TP53BP1: variants seen among roughly 807,000 people sequenced by gnomAD.
TP53BP1 encodes tumor protein p53 binding protein 1, also known as TP53-binding protein 1.
In TP53BP1, 61 loss-of-function variants were observed where a neutral mutation model predicts 200.8. The observed-to-expected ratio is 0.30, with a 90% confidence interval of 0.25 to 0.38. TP53BP1 has a LOEUF of 0.38. TP53BP1 is among the 10% of genes least tolerant of loss of function. The pLI is 1.00. For missense variants in TP53BP1, 2,144 were observed against 2,371.9 expected (o/e 0.90, Z 2.00); for synonymous variants, 822 against 844.3 (o/e 0.97, Z 0.46).
In TP53BP1 at chr15:43,420,324, C is replaced by T; in HGVS notation, c.4662G>A (p.Glu1554=). 6.2e-7 allele frequency: 1 copy of T among 1,613,756 alleles called. No homozygotes were observed. Among genetic ancestry groups the T allele is most frequent in the African/African-American group, 1.3e-5 (1 of 75,040 alleles). Residue 1554 remains glutamate, a synonymous_variant, in exon 21 of 28, where the codon GAG becomes GAA. Transcript: ENST00000382044. ...CATTACCTGCACTGAAATACTCATC[C>T]TCCGAGAGGGCCGTCACTTCAGTGT... ...PLDTEVTALS[E]DEYFSAGVVK...
At position 43,479,485 on chromosome 15, in the gene TP53BP1, C is replaced by T; in HGVS notation, c.700G>A (p.Ala234Thr). The change falls in exon 7 of 28, where the codon GCA becomes ACA. Residue 234 changes from alanine to threonine, a missense_variant. By Grantham distance (58) the Ala-to-Thr change is moderately conservative (BLOSUM62 0). Coordinates refer to ENST00000382044, the MANE Select transcript of TP53BP1 (RefSeq NM_001141980.3). Reference protein sequence around the residue: ...EEQSNEDIPIAEQSSKDIPVT... With the variant: ...EEQSNEDIPITEQSSKDIPVT... ...GGGATGTCCTTGCTGGACTGTTCTGCTATGGGGATATCTTCGTTGGACTGT... is the reference window on the plus strand; with the variant it reads ...GGGATGTCCTTGCTGGACTGTTCTGTTATGGGGATATCTTCGTTGGACTGT... 2 of 1,613,714 alleles carry T rather than the reference C, an allele frequency of 1.2e-6. No individual in the cohort carries two copies. Among genetic ancestry groups the T allele is most frequent in the East Asian group, 2.2e-5 (1 of 44,856 alleles).
At chr15:43,423,517 C>A (rs1221090410) in intron 18 of TP53BP1, among the ~76,000 whole-genome samples, 1 of 151,774 alleles carries the variant, frequency 6.6e-6, no homozygotes, top group East Asian at 1.9e-4. Context: ...AATAGCCGGG[C>A]ATGGTGGTGC....
intron 16 of TP53BP1, among the ~76,000 whole-genome samples, chr15:43,437,476 T>C (rs990891863): frequency 2.0e-5 from 3 of 152,106 alleles, no homozygotes; most frequent in South Asian, 4.1e-4. Flanking sequence ...CTACAAAGAA[T>C]AGAAAAATTA....
intron 17 of TP53BP1, among the ~76,000 whole-genome samples, chr15:43,429,442 T>C (rs2045622675): frequency 1.3e-5 from 2 of 152,242 alleles, no homozygotes; most frequent in Non-Finnish European, 1.5e-5. Flanking sequence ...TCTCTCACCT[T>C]ATCTCCCCTA....
chr15:43,454,066 A>G (rs1282888982), intron 12 of TP53BP1, among the ~76,000 whole-genome samples: 1 of 151,400 alleles, frequency 6.6e-6, no homozygotes, highest in African/African-American at 2.4e-5. Flanking sequence ...TTAGCTGGGC[A>G]TGGTGGCATG....
intron 4 of TP53BP1, among the ~76,000 whole-genome samples, chr15:43,483,139 G>A (rs1038190283): frequency 1.3e-5 from 2 of 151,764 alleles, no homozygotes. Flanking sequence ...CTTATTCTTA[G>A]GGGATGAATG....
chr15:43,493,191 T>C, upstream of TP53BP1: 1 of 1,464,092 alleles, frequency 6.8e-7, no homozygotes, highest in Middle Eastern at 1.8e-4. Flanking sequence ...TATCGGATCG[T>C]CCATTCGCTG....
intron 16 of TP53BP1, among the ~76,000 whole-genome samples, chr15:43,436,065 C>T (rs1381565707): frequency 6.6e-6 from 1 of 151,898 alleles, no homozygotes; most frequent in African/African-American, 2.4e-5. Context: ...AATCTCGGCT[C>T]ACTATAACCT....
chr15:43,432,380 C>G lies in TP53BP1; in HGVS notation c.3489G>C (p.Glu1163Asp), dbSNP rs1252135627. 2.5e-6 allele frequency: 4 copies of G among 1,614,210 alleles called. No individual in the cohort carries two copies. Among genetic ancestry groups the G allele is most frequent in the African/African-American group, 1.3e-5 (1 of 75,066 alleles). ...SQNNIGIQTM[E>D]CSLRVPETVS... ...CAGTTTCTGGGACCCTCAAGGAACA[C>G]TCCATGGTTTGGATTCCTATGTTAT... Residue 1163 changes from glutamate to aspartate, a missense_variant, in exon 17 of 28, where the codon GAG becomes GAC. Around this residue, in one of 4 missense-constraint regions of TP53BP1, gnomAD observed 1,700 missense variants for 1,710.3 expected, o/e 0.99. Coordinates refer to ENST00000382044, the MANE Select transcript of TP53BP1 (RefSeq NM_001141980.3).
intron 4 of TP53BP1, among the ~76,000 whole-genome samples, chr15:43,483,959 C>G (rs183175265): frequency 2.0e-5 from 3 of 152,198 alleles, no homozygotes; most frequent in African/African-American, 7.2e-5. Context: ...TAGAATACTA[C>G]CTATCTGCTT....
intron 21 of TP53BP1, among the ~76,000 whole-genome samples, chr15:43,417,909 G>A (rs2045304682): frequency 6.6e-6 from 1 of 152,222 alleles, no homozygotes; most frequent in South Asian, 2.1e-4. Flanking sequence ...GCCGGGAGCA[G>A]TGGCTCACTA....
intron 4 of TP53BP1, among the ~76,000 whole-genome samples, chr15:43,488,718 AC>A (rs765158729): frequency 9.9e-5 from 15 of 151,984 alleles, no homozygotes; most frequent in Admixed American, 4.6e-4. Flanking sequence ...ACATGGGGAA[AC>A]CCCATCTCTA....
In TP53BP1 at chr15:43,457,002, A is replaced by G; in HGVS notation, c.1606T>C (p.Leu536=). 1 of 1,614,202 alleles carries G rather than the reference A, an allele frequency of 6.2e-7. No individual in the cohort carries two copies. The highest frequency in any genetic ancestry group is 8.5e-7 in the Non-Finnish European group (1 of 1,180,038). Residue 536 remains leucine, a synonymous_variant, in exon 12 of 28, where the codon TTG becomes CTG. Coordinates refer to ENST00000382044, the MANE Select transcript of TP53BP1 (RefSeq NM_001141980.3). ...EYSQSPKMES[L]SSHRIDEDGE... ...TCTTCATCAATTCTGTGAGAACTCA[A>G]GCTCTCCATCTTTGGGGACTGACTA...
rs971504418 is a variant in TP53BP1 at position 43,448,542 on chromosome 15, A to AT, written c.2717-1058dup. On this transcript the variant is annotated intron_variant, in intron 12 of 27. Transcript: ENST00000382044. ...CTTTAAAACAAAACAAAACAAAAAA[A>AT]TTTTTTTTTTTTTTTGAGACGGAGT... is the stretch of plus-strand genomic sequence containing the variant. Among the ~76,000 whole-genome samples the AT allele has an allele frequency of 1.6e-3, 235 of 144,730 alleles. 1 individual carries two copies. The highest frequency in any genetic ancestry group is 3.6e-3 in the Middle Eastern group (1 of 278). The allele number at this position is 144,730 out of a possible 152,430, so 94.9% of individuals were successfully genotyped here.
At chr15:43,438,791 A>C (rs2045860803) in intron 15 of TP53BP1, among the ~76,000 whole-genome samples, 1 of 150,188 alleles carries the variant, frequency 6.7e-6, no homozygotes, top group Non-Finnish European at 1.5e-5. Context: ...AAAAGACTTA[A>C]AGAGATATAA....
Position 43,408,961 on chromosome 15 carries a change from G to A in TP53BP1, c.5536C>T (p.Gln1846Ter). The A allele has an allele frequency of 6.2e-7, 1 of 1,614,178 alleles. No individual in the cohort carries two copies. The highest frequency in any genetic ancestry group is 8.5e-7 in the Non-Finnish European group (1 of 1,180,038). ...VHDSCHANQL[Q>*]NYRNYLLPAG... ...GGCAACAGATAATTACGGTAGTTCT[G>A]GAGCTGGTTGGCATGGCAACTATCA... The change falls in exon 26 of 28, where the codon CAG becomes TAG. Residue 1846 changes from glutamine to a stop codon, truncating the protein, a stop_gained. Transcript: ENST00000382044. LOFTEE classifies it high-confidence loss of function.
intron 4 of TP53BP1, among the ~76,000 whole-genome samples, chr15:43,489,434 A>T (rs190754124): frequency 6.6e-6 from 1 of 152,378 alleles, no homozygotes; most frequent in Admixed American, 6.5e-5. Context: ...ACATGTTCTT[A>T]AAGAGGTACC....
At chr15:43,497,977 A>G (rs2079190669), upstream of TP53BP1, among the ~76,000 whole-genome samples, 1 of 152,344 alleles carries the variant, frequency 6.6e-6, no homozygotes, top group East Asian at 1.9e-4. Context: ...AAAAATTTTA[A>G]TAACAGGATT....
intron 1 of TP53BP1, among the ~76,000 whole-genome samples, chr15:43,499,468 A>T (rs1174338363): frequency 6.6e-6 from 1 of 152,244 alleles, no homozygotes; most frequent in African/African-American, 2.4e-5. Flanking sequence ...GCATGAACAC[A>T]GTGCCTACTC....
Sources: gnomAD v4.1 joint callset for allele counts (sites outside exome capture counted in the v4.1 genomes callset) on GRCh38, gnomAD v4.1.1 for gene constraint, gnomAD v4.1.1 regional missense constraint, MANE v1.5 for transcripts, NCBI Gene and HGNC (gene_info 2026-07-23, HGNC 2026-07-21) for gene names.